Variants in KDM5A observed in about 807,000 individuals in gnomAD.
KDM5A encodes lysine-specific demethylase 5A.
In KDM5A, 42 loss-of-function variants were observed where a neutral mutation model predicts 193.5. The observed-to-expected ratio is 0.22, with a 90% CI of 0.17 to 0.28. KDM5A has a LOEUF of 0.28. Ranked by LOEUF, KDM5A falls within the 10% of genes least tolerant of loss-of-function variation. The pLI, the probability that KDM5A is intolerant of heterozygous loss-of-function variation, is 1.00. For synonymous variants in KDM5A, 796 were observed against 718.1 expected, an observed-to-expected ratio of 1.11 and a Z score of -1.73; for missense variants, 1,692 against 2,055.1, an observed-to-expected ratio of 0.82 and a Z score of 3.42.
At chr12:340,694 C>CAAAAAA (rs375465074) in intron 10 of KDM5A, among the ~76,000 whole-genome samples, 87 of 50,914 alleles carry the variant, frequency 1.7e-3, no homozygotes, top group Middle Eastern at 0.015. Flanking sequence ...GACTCCATCA[C>CAAAAAA]AAAAAAAAAA....
At chr12:305,973 T>G (rs1288143599) in intron 24 of KDM5A, among the ~76,000 whole-genome samples, 1 of 144,984 alleles carries the variant, frequency 6.9e-6, no homozygotes, top group Non-Finnish European at 1.5e-5. Flanking sequence ...GGAAGTGTTT[T>G]TTTTTTTTTT....
intron 17 of KDM5A, 39 bp from the exon 18 acceptor site, chr12:321,148 T>C (rs1295384677): frequency 7.7e-6 from 11 of 1,428,286 alleles, no homozygotes; most frequent in African/African-American, 2.8e-5. Flanking sequence ...TAAGAAAAAT[T>C]CAGTCATTCT....
chr12:373,199 T>C (rs113023580), intron 3 of KDM5A, among the ~76,000 whole-genome samples: 5,825 of 152,256 alleles, frequency 0.038, 354 homozygotes, highest in African/African-American at 0.13. Flanking sequence ...CTGGTAGAAT[T>C]TGGCTGTGAA....
chr12:350,605 T>C lies in KDM5A; in HGVS notation c.1308+16A>G, dbSNP rs765167576. ...AATCAGCTTGGGGGTAAGCAAAAGTTTGGATAAATCTGCACCTCTTCTTCT... is the reference window on the plus strand; with the variant it reads ...AATCAGCTTGGGGGTAAGCAAAAGTCTGGATAAATCTGCACCTCTTCTTCT... On this transcript the variant is annotated intron_variant, in intron 10 of 27. Transcript: ENST00000399788. 3.7e-6 allele frequency: 6 copies of C among 1,613,746 alleles called. No homozygotes were observed. The highest frequency in any genetic ancestry group is 5.1e-6 in the Non-Finnish European group (6 of 1,179,834).
chr12:309,771 A>G (rs922021585), intron 22 of KDM5A, 32 bp downstream of exon 22: 8 of 1,610,754 alleles, frequency 5.0e-6, no homozygotes, highest in Middle Eastern at 1.6e-4. Flanking sequence ...TGTATTCACC[A>G]AGCAAACTCA....
In KDM5A at chr12:284,923, G is replaced by A. The variant is rs1012188908; in HGVS notation, c.*533C>T. The stretch of plus-strand genomic sequence containing the variant: ...ATAGACTGTGATACCATTCCTTGAC[G>A]TCTAACAGAAATAACTTTGGCCCTG... On this transcript the variant is annotated 3_prime_UTR_variant, in exon 28 of 28. Coordinates refer to ENST00000399788, the MANE Select transcript of KDM5A (RefSeq NM_001042603.3). 4 of 244,250 alleles carry A rather than the reference G, an allele frequency of 1.6e-5. No homozygotes were observed. Among genetic ancestry groups the A allele is most frequent in the African/African-American group, 6.6e-5 (3 of 45,442 alleles). 15.1% of individuals were successfully genotyped at this position (244,250 alleles called of 1,614,324 possible).
intron 12 of KDM5A, among the ~76,000 whole-genome samples, chr12:332,591 C>CT (rs1488300816): frequency 6.6e-6 from 1 of 152,068 alleles, no homozygotes; most frequent in Non-Finnish European, 1.5e-5. Flanking sequence ...CATCTTCAAA[C>CT]TTAGGTTGAA....
In KDM5A at chr12:307,240, G is replaced by A. The variant is rs1459865199; in HGVS notation, c.3931-151C>T. The A allele has an allele frequency of 1.5e-5, 16 of 1,065,032 alleles. No individual in the cohort carries two copies. The highest frequency in any genetic ancestry group is 2.2e-5 in the Non-Finnish European group (16 of 712,758). The allele number at this position is 1,065,032 out of a possible 1,614,324, so 66.0% of individuals were successfully genotyped here. Reference sequence around the variant, plus strand: ...AGTAGAAATCAAATTATTTGATTATGATGCCAAAGTCCACCTGAATGATAT... The same window carrying A: ...AGTAGAAATCAAATTATTTGATTATAATGCCAAAGTCCACCTGAATGATAT... On this transcript the variant is annotated intron_variant, in intron 23 of 27. Transcript: ENST00000399788. This position sits in a 1 kb window ranked among gnomAD's most constrained non-coding sequence, Gnocchi z 4.3.
chr12:330,095 A>ATATATATATATATC (rs1437768215), intron 13 of KDM5A, among the ~76,000 whole-genome samples: 1 of 105,378 alleles, frequency 9.5e-6, no homozygotes, highest in African/African-American at 3.5e-5. Flanking sequence ...GTATATATAT[A>ATATATATATATATC]TATCTTATGA....
At chr12:379,574 T>C (rs1200531376) in intron 3 of KDM5A, among the ~76,000 whole-genome samples, 3 of 152,192 alleles carry the variant, frequency 2.0e-5, no homozygotes, top group Non-Finnish European at 4.4e-5. Flanking sequence ...AGCAGCAATC[T>C]CACAATGACA....
At chr12:338,331 T>C (rs7298019) in intron 10 of KDM5A, among the ~76,000 whole-genome samples, 1 of 152,106 alleles carries the variant, frequency 6.6e-6, no homozygotes, top group African/African-American at 2.4e-5. Flanking sequence ...AGGGTGCCCA[T>C]GTCACTAGGC....
chr12:297,405 C>T (rs1943386787), intron 24 of KDM5A, among the ~76,000 whole-genome samples: 1 of 152,132 alleles, frequency 6.6e-6, no homozygotes, highest in South Asian at 2.1e-4. Context: ...CCATGAGCAA[C>T]CAGAACAGTT....
chr12:361,384 C>T (rs532667597), intron 5 of KDM5A, among the ~76,000 whole-genome samples: 2 of 152,132 alleles, frequency 1.3e-5, no homozygotes, highest in Admixed American at 6.5e-5. Context: ...TTAGTAGAGA[C>T]GGGATTTCAC....
chr12:336,169 G>C (rs966272347), intron 10 of KDM5A, among the ~76,000 whole-genome samples: 1 of 151,684 alleles, frequency 6.6e-6, no homozygotes, highest in East Asian at 1.9e-4. Context: ...GACCAGCCTG[G>C]TCAACATGGC....
chr12:356,407 T>C (rs2137457940), intron 6 of KDM5A, 25 bp downstream of exon 6: 2 of 1,380,092 alleles, frequency 1.4e-6, no homozygotes, highest in East Asian at 2.3e-5. Context: ...CTTATCTCTT[T>C]TCATGATCAA....
intron 10 of KDM5A, among the ~76,000 whole-genome samples, chr12:344,956 A>G (rs1944051569): frequency 6.6e-6 from 1 of 152,238 alleles, no homozygotes; most frequent in South Asian, 2.1e-4. Flanking sequence ...GCCCCAATTA[A>G]AAGACATAGA....
rs1260714569 is a variant in KDM5A at position 282,919 on chromosome 12, A to G, written c.*2537T>C. On this transcript the variant is annotated 3_prime_UTR_variant, in exon 28 of 28. Transcript: ENST00000399788. ...TTTGTGTATTTTTTGTTTTGCCATTAATTTCTCCCTTCTGTTCTTCTCAGC... is the reference window on the plus strand; with the variant it reads ...TTTGTGTATTTTTTGTTTTGCCATTGATTTCTCCCTTCTGTTCTTCTCAGC... 17 of 232,208 alleles carry G rather than the reference A, an allele frequency of 7.3e-5. 1 individual carries two copies. The highest frequency in any genetic ancestry group is 1.4e-4 in the Non-Finnish European group (17 of 117,506). 14.4% of individuals were successfully genotyped at this position (232,208 alleles called of 1,614,324 possible). A position where few individuals can be genotyped will look rare whatever the true frequency, so the allele number is the denominator to read the frequency against.
Position 284,664 on chromosome 12 carries a change from T to C in KDM5A, c.*792A>G. The C allele has an allele frequency of 4.3e-6, 1 of 232,720 alleles. No homozygotes were observed. The highest frequency in any genetic ancestry group is 8.5e-6 in the Non-Finnish European group (1 of 117,502). 14.4% of individuals were successfully genotyped at this position (232,720 alleles called of 1,614,324 possible). On this transcript the variant is annotated 3_prime_UTR_variant, in exon 28 of 28. Transcript: ENST00000399788. ...TTTTTTTTTTTGGCAGAAGCCTGGA[T>C]CCATGTACCTGCTCTTCCCTAAAAT...
At chr12:322,305 T>C in intron 17 of KDM5A, 112 bp downstream of exon 17, 5 of 905,162 alleles carry the variant, frequency 5.5e-6, no homozygotes, top group Non-Finnish European at 7.0e-6. Context: ...GCAAGAGACA[T>C]GGCAACAAGA....
Sources: allele counts gnomAD v4.1 joint callset (sites outside exome capture counted in the v4.1 genomes callset), GRCh38; gene constraint gnomAD v4.1.1; non-coding constraint Gnocchi (gnomAD v3.1); transcripts MANE v1.5; gene names NCBI Gene and HGNC (gene_info 2026-07-23, HGNC 2026-07-21).